The following RANBP2 variants were observed in gnomAD, a reference collection of about 807,000 sequenced individuals.
RANBP2 encodes RAN binding protein 2.
Under a neutral mutation model 303.6 loss-of-function variants are expected in RANBP2, and 57 were observed. That is an observed-to-expected ratio of 0.19 (90% CI 0.15 to 0.23). The LOEUF is 0.23. Ranked by LOEUF, RANBP2 falls within the 10% of genes least tolerant of loss-of-function variation. RANBP2 has a pLI of 1.00. For synonymous variants in RANBP2, 1,167 were observed against 1,301.5 expected (o/e 0.90, Z 2.23); for missense variants, 3,138 against 3,780.8 (o/e 0.83, Z 4.46).
chr2:108,931,856 C>T, the RANBP2 span, among the ~76,000 whole-genome samples: 10 of 152,062 alleles, frequency 6.6e-5, no homozygotes, highest in African/African-American at 1.9e-4. Context: ...CTCTAGTGAT[C>T]GCCTAAATTC....
At chr2:109,072,501 G>A in the RANBP2 span, among the ~76,000 whole-genome samples, 2 of 152,172 alleles carry the variant, frequency 1.3e-5, no homozygotes, top group South Asian at 4.1e-4. Flanking sequence ...TCCTTAGAAA[G>A]AGTTGACTAC....
chr2:108,755,281 G>C (rs368503508), intron 17 of RANBP2, 22 bp downstream of exon 17: 47 of 1,611,372 alleles, frequency 2.9e-5, no homozygotes, highest in Non-Finnish European at 3.2e-5. Flanking sequence ...AATTTCTCTA[G>C]CTGTACTTTT....
At chr2:109,613,984 CT>C in the RANBP2 span, 1 of 1,163,884 alleles carries the variant, frequency 8.6e-7, no homozygotes, top group Non-Finnish European at 1.1e-6. Context: ...CGGGGCCGAG[CT>C]GGAGGCCTCC....
chr2:108,865,091 A>G, the RANBP2 span, among the ~76,000 whole-genome samples: 1 of 152,050 alleles, frequency 6.6e-6, no homozygotes, highest in South Asian at 2.1e-4. Flanking sequence ...ATACATACAC[A>G]TTTTTACTTT....
chr2:109,229,366 C>T, the RANBP2 span, among the ~76,000 whole-genome samples: 1 of 152,210 alleles, frequency 6.6e-6, no homozygotes, highest in African/African-American at 2.4e-5. Flanking sequence ...GATAGTTCTC[C>T]ATTTGCAAAG....
chr2:108,840,925 C>G, the RANBP2 span, among the ~76,000 whole-genome samples: 4 of 152,172 alleles, frequency 2.6e-5, no homozygotes, highest in African/African-American at 9.7e-5. Flanking sequence ...GATTCTCCTG[C>G]ATCAGCCTCC....
chr2:109,303,051 T>G, the RANBP2 span, among the ~76,000 whole-genome samples: 1 of 152,138 alleles, frequency 6.6e-6, no homozygotes, highest in Non-Finnish European at 1.5e-5. Context: ...TAATTTTGTA[T>G]TTTTGGTAGA....
the RANBP2 span, among the ~76,000 whole-genome samples, chr2:109,001,585 G>A: frequency 1.1e-4 from 16 of 152,240 alleles, no homozygotes; most frequent in African/African-American, 2.7e-4. Context: ...GCCACGTTGT[G>A]GCCCTGCTGC....
intron 25 of RANBP2, among the ~76,000 whole-genome samples, chr2:108,780,255 C>T (rs1463399610): frequency 2.0e-5 from 3 of 146,816 alleles, no homozygotes; most frequent in Non-Finnish European, 3.0e-5. Context: ...TACAATGGCA[C>T]GATCTCTGCT....
At chr2:109,296,197 G>A in the RANBP2 span, among the ~76,000 whole-genome samples, 1 of 151,734 alleles carries the variant, frequency 6.6e-6, no homozygotes, top group African/African-American at 2.4e-5. Context: ...CCCATCTCCT[G>A]GCTTCCACTC....
chr2:109,676,479 A>C, the RANBP2 span, among the ~76,000 whole-genome samples: 1 of 152,176 alleles, frequency 6.6e-6, no homozygotes, highest in African/African-American at 2.4e-5. Context: ...TGTTGAGCAA[A>C]CTTTTTCCTA....
At chr2:109,497,153 C>G in the RANBP2 span, among the ~76,000 whole-genome samples, 2 of 152,222 alleles carry the variant, frequency 1.3e-5, no homozygotes, top group Non-Finnish European at 2.9e-5. Context: ...CATTTATGGT[C>G]ATTCGTTATA....
At chr2:109,072,208 A>T in the RANBP2 span, among the ~76,000 whole-genome samples, 1 of 152,160 alleles carries the variant, frequency 6.6e-6, no homozygotes, top group South Asian at 2.1e-4. Flanking sequence ...GTAGGAAGAG[A>T]TGCTTTTGGA....
intron 6 of RANBP2, among the ~76,000 whole-genome samples, chr2:108,737,541 G>A (rs1228860237): frequency 2.1e-5 from 3 of 143,906 alleles, no homozygotes; most frequent in African/African-American, 5.3e-5. Flanking sequence ...GTTCAGGATG[G>A]TCTCAAGCTC....
intron 7 of RANBP2, among the ~76,000 whole-genome samples, chr2:108,742,095 C>T (rs889953270): frequency 6.6e-6 from 1 of 151,716 alleles, no homozygotes; most frequent in Non-Finnish European, 1.5e-5. Flanking sequence ...TTCCCGGGTT[C>T]AAGCGATTGT....
At chr2:109,427,524 G>A in the RANBP2 span, among the ~76,000 whole-genome samples, 5 of 152,170 alleles carry the variant, frequency 3.3e-5, no homozygotes, top group Non-Finnish European at 7.4e-5. Flanking sequence ...GCTCCAGGGT[G>A]AGGCCCCAGA....
the RANBP2 span, among the ~76,000 whole-genome samples, chr2:109,462,463 C>T: frequency 6.6e-6 from 1 of 152,142 alleles, no homozygotes; most frequent in Non-Finnish European, 1.5e-5. Flanking sequence ...TGATAATCCT[C>T]TGTCATTCTC....
At chr2:109,631,156 T>C in the RANBP2 span, among the ~76,000 whole-genome samples, 1 of 152,174 alleles carries the variant, frequency 6.6e-6, no homozygotes, top group Non-Finnish European at 1.5e-5. Flanking sequence ...AGACATGATA[T>C]CATTGCTATA....
chr2:108,810,639 TTGGTTTTGGTATCATGGTAGTGC>T, the RANBP2 span, among the ~76,000 whole-genome samples: 2 of 152,132 alleles, frequency 1.3e-5, no homozygotes, highest in African/African-American at 4.8e-5. Flanking sequence ...GTGTCTTGGT[TTGGTTTTGGTATCATGGTAGTGC>T]TGGCTTTGTA....
Sources: allele counts gnomAD v4.1 joint callset (sites outside exome capture counted in the v4.1 genomes callset), GRCh38; gene constraint gnomAD v4.1.1; transcripts MANE v1.5; gene names NCBI Gene and HGNC (gene_info 2026-07-23, HGNC 2026-07-21).